Variants in PPP2R5E observed in about 807,000 individuals in gnomAD.
PPP2R5E encodes serine/threonine-protein phosphatase 2A 56 kDa regulatory subunit epsilon isoform.
In PPP2R5E, 4 loss-of-function variants were observed where a neutral mutation model predicts 65.3. That is an observed-to-expected ratio of 0.06 (90% CI 0.03 to 0.14). The LOEUF (loss-of-function observed/expected upper bound fraction) is 0.14, where lower values mean the gene tolerates loss of function less well. Ranked by LOEUF, PPP2R5E falls within the 10% of genes least tolerant of loss-of-function variation. PPP2R5E has a pLI of 1.00. For missense variants in PPP2R5E, 274 were observed against 556.1 expected (o/e 0.49, Z 5.10); for synonymous variants, 183 against 187.4 (o/e 0.98, Z 0.19).
intron 2 of PPP2R5E, among the ~76,000 whole-genome samples, chr14:63,477,580 A>C (rs368508299): frequency 6.6e-6 from 1 of 152,158 alleles, no homozygotes. Context: ...AGAGGGAATA[A>C]GAAAAAAAAG....
intron 2 of PPP2R5E, among the ~76,000 whole-genome samples, chr14:63,510,670 G>GCCT (rs1892415296): frequency 6.6e-6 from 1 of 152,240 alleles, no homozygotes; most frequent in Admixed American, 6.5e-5. Flanking sequence ...AGCAAGGAGG[G>GCCT]AGTGTGGCTA....
chr14:63,515,758 A>G (rs1481363321), intron 2 of PPP2R5E, among the ~76,000 whole-genome samples: 2 of 151,478 alleles, frequency 1.3e-5, no homozygotes, highest in South Asian at 4.2e-4. Flanking sequence ...TGACCTTGTG[A>G]TCCACCTGCC....
intron 1 of PPP2R5E, among the ~76,000 whole-genome samples, chr14:63,540,650 G>T (rs944842899): frequency 4.0e-5 from 6 of 150,876 alleles, no homozygotes; most frequent in Non-Finnish European, 7.4e-5. Context: ...TTGAACCCGG[G>T]AGGCGGAGTT....
chr14:63,451,924 T>G (rs534034725), intron 3 of PPP2R5E: 1 of 152,276 alleles, frequency 6.6e-6, no homozygotes, highest in African/African-American at 2.4e-5. Flanking sequence ...AGTATACAGA[T>G]GTCCTCATAC....
At chr14:63,474,269 T>C (rs550677863) in intron 2 of PPP2R5E, among the ~76,000 whole-genome samples, 34 of 152,072 alleles carry the variant, frequency 2.2e-4, no homozygotes, top group African/African-American at 4.1e-4. Flanking sequence ...CAGAGAGGGA[T>C]CAAAGGTGAC....
At chr14:63,457,920 A>C (rs1032201870) in intron 2 of PPP2R5E, among the ~76,000 whole-genome samples, 3 of 152,070 alleles carry the variant, frequency 2.0e-5, no homozygotes, top group African/African-American at 7.2e-5. Context: ...TGACCAGCTA[A>C]ACTGTACTTC....
chr14:63,485,472 C>A (rs1890939122), intron 2 of PPP2R5E, among the ~76,000 whole-genome samples: 1 of 152,054 alleles, frequency 6.6e-6, no homozygotes, highest in African/African-American at 2.4e-5. Flanking sequence ...TGGAGTGCAA[C>A]AGCACGATCT....
In PPP2R5E at chr14:63,382,078, T is replaced by A; in HGVS notation, c.1282A>T (p.Thr428Ser). The change falls in exon 13 of 14, where the codon ACA becomes TCA. Residue 428 changes from threonine to serine, a missense_variant. Around this residue, in one of 6 missense-constraint regions of PPP2R5E, gnomAD observed 129 missense variants for 254.9 expected, o/e 0.51. Coordinates refer to ENST00000337537, the MANE Select transcript of PPP2R5E (RefSeq NM_006246.5). ...TACCGCTGACGATCTGACTTGTATG[T>A]GGCTGTCAGCTCGTCAAACATGGTG... is the stretch of plus-strand genomic sequence containing the variant. The part of the protein sequence containing the change: ...NSTMFDELTA[T>S]YKSDRQREKK... 1.9e-6 allele frequency: 3 copies of A among 1,613,762 alleles called. No individual in the cohort carries two copies. The highest frequency in any genetic ancestry group is 2.5e-6 in the Non-Finnish European group (3 of 1,179,784).
rs1200223909 is a variant in PPP2R5E, at chr14:63,375,479, A to C, written c.*530T>G. 6.6e-6 allele frequency: 1 copy of C among 152,640 alleles called. No individual in the cohort carries two copies. The highest frequency in any genetic ancestry group is 2.4e-5 in the African/African-American group (1 of 41,448). 9.5% of individuals were successfully genotyped at this position (152,640 alleles called of 1,614,324 possible). ...TAATTCATGACCCCATTCCACGTGGACATTCAACTCAGGAAGATGTGCAAA... is the reference window on the plus strand; with the variant it reads ...TAATTCATGACCCCATTCCACGTGGCCATTCAACTCAGGAAGATGTGCAAA... On this transcript the variant is annotated 3_prime_UTR_variant, in exon 14 of 14. Coordinates refer to ENST00000337537, the MANE Select transcript of PPP2R5E (RefSeq NM_006246.5).
chr14:63,473,570 G>C (rs1012507089), intron 2 of PPP2R5E, among the ~76,000 whole-genome samples: 1 of 152,120 alleles, frequency 6.6e-6, no homozygotes, highest in Admixed American at 6.5e-5. Context: ...AAAACCTTCC[G>C]TAATTTTAAA....
chr14:63,395,155 T>G (rs546916356), intron 7 of PPP2R5E, 71 bp downstream of exon 7: 2 of 1,313,950 alleles, frequency 1.5e-6, no homozygotes, highest in East Asian at 4.6e-5. Context: ...TGAGCATCTC[T>G]TGGTGCCACC....
chr14:63,482,329 C>T (rs1192894377), intron 2 of PPP2R5E, among the ~76,000 whole-genome samples: 1 of 152,034 alleles, frequency 6.6e-6, no homozygotes, highest in African/African-American at 2.4e-5. Flanking sequence ...CATGGTGGCG[C>T]GTGCTTGTAA....
In PPP2R5E at chr14:63,414,463, A is replaced by T. The variant is rs150872910; in HGVS notation, c.549+677T>A. The stretch of plus-strand genomic sequence containing the variant: ...CTACACCAGTTTGGCTCAAGCACCC[A>T]TTTTTAGAGACGAATATATCAACAA... On this transcript the variant is annotated intron_variant, in intron 5 of 13. Transcript: ENST00000337537. Among the ~76,000 whole-genome samples, 435 of 152,264 alleles carry T rather than the reference A, an allele frequency of 2.9e-3. 2 individuals carry two copies. Among genetic ancestry groups the T allele is most frequent in the African/African-American group, 8.7e-3 (360 of 41,550 alleles).
intron 2 of PPP2R5E, among the ~76,000 whole-genome samples, chr14:63,530,956 T>C (rs1252363139): frequency 6.6e-6 from 1 of 152,224 alleles, no homozygotes; most frequent in East Asian, 1.9e-4. Flanking sequence ...ACAATAATTT[T>C]ACCTATGCTA....
At chr14:63,481,356 C>T (rs1036063219) in intron 2 of PPP2R5E, among the ~76,000 whole-genome samples, 10 of 151,868 alleles carry the variant, frequency 6.6e-5, no homozygotes, top group East Asian at 1.9e-4. Context: ...ATTAGCTGGG[C>T]GTGGTAGCGT....
chr14:63,425,624 C>A (rs920551260), intron 3 of PPP2R5E, among the ~76,000 whole-genome samples: 24 of 152,326 alleles, frequency 1.6e-4, no homozygotes, highest in African/African-American at 5.8e-4. Context: ...GCTGCAGCAA[C>A]TATCTGTTTA....
At chr14:63,430,349 A>ACATACATACATACATACATG (rs1566696246) in intron 3 of PPP2R5E, among the ~76,000 whole-genome samples, 203 of 103,620 alleles carry the variant, frequency 2.0e-3, no homozygotes, top group African/African-American at 7.5e-3. Flanking sequence ...ACCCATGTAT[A>ACATACATACATACATACATG]CATACATACA....
chr14:63,432,861 C>G (rs1887748172), intron 3 of PPP2R5E, among the ~76,000 whole-genome samples: 1 of 152,012 alleles, frequency 6.6e-6, no homozygotes, highest in South Asian at 2.1e-4. Context: ...CAGTCATAAC[C>G]AAACCCCCCA....
At chr14:63,504,768 C>T (rs1892077211) in intron 2 of PPP2R5E, among the ~76,000 whole-genome samples, 1 of 151,998 alleles carries the variant, frequency 6.6e-6, no homozygotes, top group Non-Finnish European at 1.5e-5. Context: ...TCACCCTTTA[C>T]CCCCAGGGCA....
Sources: allele counts gnomAD v4.1 joint callset (sites outside exome capture counted in the v4.1 genomes callset), GRCh38; gene constraint gnomAD v4.1.1; regional missense constraint gnomAD v4.1.1; transcripts MANE v1.5; gene names NCBI Gene and HGNC (gene_info 2026-07-23, HGNC 2026-07-21).